ZKSCAN5: variants seen among roughly 807,000 people sequenced by gnomAD.
ZKSCAN5 encodes the protein zinc finger protein with KRAB and SCAN domains 5.
Under a neutral mutation model 60.0 loss-of-function variants are expected in ZKSCAN5, and 28 were observed. The ratio of observed to expected loss-of-function variants is 0.47; its 90% confidence interval spans 0.35 to 0.64. ZKSCAN5 has a LOEUF of 0.64. Ranked by LOEUF, ZKSCAN5 falls within the 30% of genes least tolerant of loss-of-function variation. The pLI is 0.01. For missense variants in ZKSCAN5, 881 were observed against 1,034.6 expected (o/e 0.85, Z 2.04); for synonymous variants, 361 against 371.2 (o/e 0.97, Z 0.31).
rs1398105143 is a variant in ZKSCAN5 at position 99,534,695 on chromosome 7, A to AC, written c.*2446_*2447insC. On this transcript the variant is annotated 3_prime_UTR_variant, in exon 7 of 7. Transcript: ENST00000326775. Reference sequence around the variant, plus strand: ...TGTCTAAAAAAAAAAAAAAAAAAAAAAAAAACATTTTTTGGAGAGATGGTA... The same window carrying AC: ...TGTCTAAAAAAAAAAAAAAAAAAAAACAAAAACATTTTTTGGAGAGATGGTA... The AC allele has an allele frequency of 6.6e-5, 10 of 151,228 alleles. No individual in the cohort carries two copies. Among genetic ancestry groups the AC allele is most frequent in the African/African-American group, 2.4e-4 (10 of 41,388 alleles). 9.4% of individuals were successfully genotyped at this position (151,228 alleles called of 1,614,324 possible).
intron 6 of ZKSCAN5, among the ~76,000 whole-genome samples, chr7:99,528,042 G>A (rs1801870986): frequency 6.6e-6 from 1 of 151,424 alleles, no homozygotes; most frequent in South Asian, 2.1e-4. Flanking sequence ...GAATGAGATC[G>A]TCATAAACTG....
intron 3 of ZKSCAN5, among the ~76,000 whole-genome samples, chr7:99,518,742 C>T (rs1801382998): frequency 8.1e-6 from 1 of 123,720 alleles, no homozygotes; most frequent in Non-Finnish European, 1.6e-5. Context: ...GTGGTGTGAT[C>T]TCGGCTCATT....
chr7:99,529,951 G>A (rs1383723463), intron 6 of ZKSCAN5, among the ~76,000 whole-genome samples: 3 of 150,120 alleles, frequency 2.0e-5, no homozygotes, highest in African/African-American at 7.4e-5. Flanking sequence ...GGTCAGGCTG[G>A]TCTTGAATTC....
At chr7:99,530,694 C>G (rs946689469) in intron 6 of ZKSCAN5, among the ~76,000 whole-genome samples, 2 of 152,258 alleles carry the variant, frequency 1.3e-5, no homozygotes, top group Non-Finnish European at 2.9e-5. Flanking sequence ...ACATCCACCT[C>G]TGTTACTCCC....
intron 3 of ZKSCAN5, among the ~76,000 whole-genome samples, chr7:99,514,360 T>C (rs1801173947): frequency 6.6e-6 from 1 of 152,210 alleles, no homozygotes; most frequent in Non-Finnish European, 1.5e-5. Context: ...TGTCATCTAC[T>C]GAGTTGCCTA....
chr7:99,519,705 CAGA>C (rs1801432473), intron 3 of ZKSCAN5, 119 bp from the exon 4 acceptor site: 1 of 817,028 alleles, frequency 1.2e-6, no homozygotes, highest in East Asian at 2.5e-5. Flanking sequence ...GACAGCCAGG[CAGA>C]AGAATTTGGC....
chr7:99,511,231 T>C (rs1477106772), intron 2 of ZKSCAN5, among the ~76,000 whole-genome samples: 1 of 152,146 alleles, frequency 6.6e-6, no homozygotes, highest in Non-Finnish European at 1.5e-5. Context: ...GCAGAGTAAT[T>C]GTGTATATCT....
intron 3 of ZKSCAN5, among the ~76,000 whole-genome samples, chr7:99,518,403 A>G (rs1801362547): frequency 6.6e-6 from 1 of 151,980 alleles, no homozygotes; most frequent in Non-Finnish European, 1.5e-5. Flanking sequence ...CCTGGGCCAC[A>G]GAGCGAGACT....
intron 3 of ZKSCAN5, among the ~76,000 whole-genome samples, chr7:99,512,803 CTTT>C: frequency 6.6e-6 from 1 of 150,704 alleles, no homozygotes; most frequent in East Asian, 1.9e-4. Flanking sequence ...ACACCAGCTT[CTTT>C]TTTTTTCTTT....
At chr7:99,505,296 C>T (rs1800667232) in intron 1 of ZKSCAN5, 1 of 152,194 alleles carries the variant, frequency 6.6e-6, no homozygotes, top group Non-Finnish European at 1.5e-5. Context: ...GGAGTGTCGG[C>T]TTCGGTTTCT....
At chr7:99,524,065 C>A (rs1169892101) in intron 5 of ZKSCAN5, among the ~76,000 whole-genome samples, 1 of 151,206 alleles carries the variant, frequency 6.6e-6, no homozygotes, top group East Asian at 1.9e-4. Flanking sequence ...CCATGATACT[C>A]CCTGGGTTTT....
intron 2 of ZKSCAN5, among the ~76,000 whole-genome samples, chr7:99,507,499 G>GTGTAAATATATGTATATATA (rs1800800022): frequency 7.6e-6 from 1 of 130,868 alleles, no homozygotes; most frequent in African/African-American, 3.0e-5. Context: ...ATGTATATAT[G>GTGTAAATATATGTATATATA]TGTATATATA....
rs1802097260 is a variant in ZKSCAN5, at chr7:99,532,460, A to G, written c.*211A>G. The G allele has an allele frequency of 6.9e-6, 3 of 432,006 alleles. No homozygotes were observed. Among genetic ancestry groups the G allele is most frequent in the Non-Finnish European group, 1.2e-5 (3 of 249,296 alleles). The allele number at this position is 432,006 out of a possible 1,614,324, so 26.8% of individuals were successfully genotyped here. ...CCCATTGAGAAATGCTTTAGTTAGC[A>G]TCTTCATGCTTGGAAATCTAGACAA... On this transcript the variant is annotated 3_prime_UTR_variant, in exon 7 of 7. Transcript: ENST00000326775.
chr7:99,522,262 T>G (rs2151109601), intron 5 of ZKSCAN5, among the ~76,000 whole-genome samples: 1 of 152,272 alleles, frequency 6.6e-6, no homozygotes, highest in East Asian at 1.9e-4. Flanking sequence ...GGAAGTGAGA[T>G]TTTTACAACA....
At chr7:99,507,395 A>G (rs1041550205) in intron 2 of ZKSCAN5, among the ~76,000 whole-genome samples, 1 of 151,600 alleles carries the variant, frequency 6.6e-6, no homozygotes, top group African/African-American at 2.4e-5. Flanking sequence ...TCTCACATAT[A>G]TGTCTGTATA....
At chr7:99,514,110 T>C (rs1801162132) in intron 3 of ZKSCAN5, among the ~76,000 whole-genome samples, 1 of 152,198 alleles carries the variant, frequency 6.6e-6, no homozygotes, top group African/African-American at 2.4e-5. Flanking sequence ...CAAAATGTGA[T>C]GGTCCAGAAT....
chr7:99,525,705 A>G, intron 5 of ZKSCAN5, 108 bp from the exon 6 acceptor site: 1 of 1,424,588 alleles, frequency 7.0e-7, no homozygotes, highest in Non-Finnish European at 9.4e-7. Context: ...GTCCCTTTAC[A>G]GAATCATGGA....
intron 5 of ZKSCAN5, 101 bp downstream of exon 5, chr7:99,520,405 C>T: frequency 7.2e-7 from 1 of 1,380,246 alleles, no homozygotes. Context: ...GTTTTATGTG[C>T]TATGACTTTG....
rs1277818406 is a variant in ZKSCAN5 at position 99,525,803 on chromosome 7, G to A, written c.773-10G>A. The A allele has an allele frequency of 6.3e-7, 1 of 1,580,272 alleles. No individual in the cohort carries two copies. The highest frequency in any genetic ancestry group is 8.6e-7 in the Non-Finnish European group (1 of 1,160,998). ...AAGCTCATTTTTTAATTCTCCCTCT[G>A]TTATTTCAGGTTATGAGTCCAGGGA... On this transcript the variant is annotated splice_polypyrimidine_tract_variant and intron_variant, in intron 5 of 6. Coordinates refer to ENST00000326775, the MANE Select transcript of ZKSCAN5 (RefSeq NM_145102.4).
Sources: gnomAD v4.1 joint callset for allele counts (sites outside exome capture counted in the v4.1 genomes callset) on GRCh38, gnomAD v4.1.1 for gene constraint, MANE v1.5 for transcripts, NCBI Gene and HGNC (gene_info 2026-07-23, HGNC 2026-07-21) for gene names.